Variants in DNAH11 observed in about 807,000 individuals in gnomAD.
The protein encoded by DNAH11 is axonemal beta dynein heavy chain 11.
DNAH11 carries 442 observed loss-of-function variants against 526.0 expected under a neutral mutation model. That is an observed-to-expected ratio of 0.84 (90% CI 0.78 to 0.91). The LOEUF is 0.91. DNAH11 is among the 40% of genes least tolerant of loss of function. The pLI is 0.00. For missense variants in DNAH11, 6,989 were observed against 5,448.7 expected (o/e 1.28, Z -8.90); for synonymous variants, 2,461 against 1,935.9 (o/e 1.27, Z -7.12).
At chr7:21,564,482 C>G (rs745438828) in intron 6 of DNAH11, 85 bp downstream of exon 6, 85 of 874,954 alleles carry the variant, frequency 9.7e-5, no homozygotes, top group Non-Finnish European at 1.4e-4. Context: ...ATCTAGTATA[C>G]AGTAAGAACA....
chr7:21,545,128 T>C lies in DNAH11; in HGVS notation c.474T>C (p.His158=), dbSNP rs1372280492. 4 of 1,610,642 alleles carry C rather than the reference T, an allele frequency of 2.5e-6. No individual in the cohort carries two copies. Among genetic ancestry groups the C allele is most frequent in the African/African-American group, 1.3e-5 (1 of 74,982 alleles). Reference sequence around the variant, plus strand: ...AGTTACCTGCGTTGTCTCTTGGACATGTATCTGCTTTCCTTGATGAGGTAC... The same window carrying C: ...AGTTACCTGCGTTGTCTCTTGGACACGTATCTGCTTTCCTTGATGAGGTAC... ...FGELPALSLG[H]VSAFLDEILV... The change falls in exon 2 of 82, where the codon CAT becomes CAC. Residue 158 remains histidine, a synonymous_variant. Coordinates refer to ENST00000409508, the MANE Select transcript of DNAH11 (RefSeq NM_001277115.2).
At chr7:21,832,852 T>G (rs1781843588) in intron 65 of DNAH11, among the ~76,000 whole-genome samples, 1 of 152,152 alleles carries the variant, frequency 6.6e-6, no homozygotes, top group Non-Finnish European at 1.5e-5. Context: ...CCTAAAATAT[T>G]TACTCTCTGA....
At chr7:21,566,195 G>A (rs563924347) in intron 6 of DNAH11, among the ~76,000 whole-genome samples, 3 of 152,234 alleles carry the variant, frequency 2.0e-5, no homozygotes, top group African/African-American at 4.8e-5. Context: ...CTAGTTACCC[G>A]TAAGCCTGTA....
chr7:21,888,998 G>A (rs1325914645), intron 76 of DNAH11, among the ~76,000 whole-genome samples: 9 of 137,554 alleles, frequency 6.5e-5, no homozygotes, highest in Non-Finnish European at 1.3e-4. Context: ...TATTACCCAC[G>A]CCCCACCCAC....
chr7:21,659,179 T>G (rs1782142801), intron 30 of DNAH11, 148 bp downstream of exon 30: 1 of 703,724 alleles, frequency 1.4e-6, no homozygotes, highest in Admixed American at 3.0e-5. Context: ...TGTTAAATCA[T>G]TTTTTACCTT....
chr7:21,738,667 T>C, intron 46 of DNAH11, 34 bp from the exon 47 acceptor site: 3 of 1,526,956 alleles, frequency 2.0e-6, no homozygotes, highest in African/African-American at 1.4e-5. Context: ...TTACATTCTG[T>C]TGATGGGTGG....
In DNAH11 at chr7:21,637,686, A is replaced by G. The variant is rs1786932734; in HGVS notation, c.4801A>G (p.Lys1601Glu). Reference sequence around the variant, plus strand: ...CAGACCTAATCTCTATGAAAAACTTAAAGATTTACAGTCCAGGTAAGAATA... The same window carrying G: ...CAGACCTAATCTCTATGAAAAACTTGAAGATTTACAGTCCAGGTAAGAATA... Reference protein sequence around the residue: ...TCRPNLYEKLKDLQSRLSLCE... With the variant: ...TCRPNLYEKLEDLQSRLSLCE... Residue 1601 changes from lysine (K) to glutamate (E), a missense_variant, in exon 27 of 82, where the codon AAA becomes GAA. By Grantham distance (56) the Lys-to-Glu change is moderately conservative. Transcript: ENST00000409508. 6.4e-7 allele frequency: 1 copy of G among 1,564,424 alleles called. No homozygotes were observed. Among genetic ancestry groups the G allele is most frequent in the Non-Finnish European group, 8.7e-7 (1 of 1,154,202 alleles).
chr7:21,601,241 G>C, intron 17 of DNAH11, 62 bp downstream of exon 17: 1 of 1,529,152 alleles, frequency 6.5e-7, no homozygotes, highest in African/African-American at 1.4e-5. Flanking sequence ...AAACTGAGAT[G>C]TTACTTTTAA....
At chr7:21,707,641 CT>C in intron 39 of DNAH11, 57 bp from the exon 40 acceptor site, 1 of 1,566,936 alleles carries the variant, frequency 6.4e-7, no homozygotes, top group Non-Finnish European at 8.6e-7. Flanking sequence ...AAATCTTTTA[CT>C]TTCCATTTGG....
At chr7:21,656,224 A>T (rs976617261) in intron 29 of DNAH11, among the ~76,000 whole-genome samples, 2 of 152,146 alleles carry the variant, frequency 1.3e-5, no homozygotes, top group African/African-American at 2.4e-5. Context: ...ATTGAGCTAG[A>T]CAGAAGCAAC....
chr7:21,709,126 C>T (rs1049399791), intron 40 of DNAH11, among the ~76,000 whole-genome samples: 1 of 152,196 alleles, frequency 6.6e-6, no homozygotes, highest in East Asian at 1.9e-4. Flanking sequence ...CACATTCACT[C>T]ATATGTTCAC....
At chr7:21,870,160 G>A (rs980582445) in intron 73 of DNAH11, among the ~76,000 whole-genome samples, 23 of 152,330 alleles carry the variant, frequency 1.5e-4, no homozygotes, top group African/African-American at 5.5e-4. Flanking sequence ...CCACAGGGCT[G>A]ATTGGATGGC....
intron 73 of DNAH11, among the ~76,000 whole-genome samples, chr7:21,871,748 C>A (rs1783501252): frequency 6.6e-6 from 1 of 152,078 alleles, no homozygotes; most frequent in Non-Finnish European, 1.5e-5. Context: ...GGCCAACTTT[C>A]CGTGTCTTCA....
In DNAH11 at chr7:21,741,863, AG is replaced by A. The variant is rs1785913785; in HGVS notation, c.7915-62del. On this transcript the variant is annotated intron_variant, in intron 48 of 81. Coordinates refer to ENST00000409508, the MANE Select transcript of DNAH11 (RefSeq NM_001277115.2). The stretch of plus-strand genomic sequence containing the variant: ...ATACAGGGAGGAGTGAAAAAAAATC[AG>A]GTCTTTGCAATTTTCTGGTACAATT... 3.2e-6 allele frequency: 5 copies of A among 1,563,630 alleles called. No individual in the cohort carries two copies. In the Admixed American group the frequency reaches 7.2e-5, roughly 23 times the overall value.
chr7:21,779,166 G>A, intron 57 of DNAH11, 62 bp downstream of exon 57: 27 of 1,535,926 alleles, frequency 1.8e-5, no homozygotes, highest in Non-Finnish European at 2.4e-5. Context: ...AACCTTGGTA[G>A]GTGAACAATT....
chr7:21,882,582 G>A (rs1211821572), intron 75 of DNAH11, among the ~76,000 whole-genome samples: 1 of 152,174 alleles, frequency 6.6e-6, no homozygotes, highest in Non-Finnish European at 1.5e-5. Flanking sequence ...GATCGCTTGA[G>A]TCCAGAAGTT....
chr7:21,782,154 G>A (rs1273457493), intron 57 of DNAH11, among the ~76,000 whole-genome samples: 6 of 152,164 alleles, frequency 3.9e-5, no homozygotes, highest in African/African-American at 4.8e-5. Context: ...TTCTCTCCCT[G>A]TGATCACCAC....
intron 61 of DNAH11, among the ~76,000 whole-genome samples, chr7:21,794,188 C>A (rs1788605365): frequency 6.6e-6 from 1 of 152,074 alleles, no homozygotes; most frequent in African/African-American, 2.4e-5. Context: ...TTTTCTTAAA[C>A]TACTATTTTG....
At chr7:21,731,806 C>T (rs543666402) in intron 45 of DNAH11, among the ~76,000 whole-genome samples, 39 of 152,232 alleles carry the variant, frequency 2.6e-4, no homozygotes, top group Admixed American at 3.3e-4. Context: ...CATCTTCATC[C>T]GGCTGTCTTG....
Sources: gnomAD v4.1 joint callset for allele counts (sites outside exome capture counted in the v4.1 genomes callset) on GRCh38, gnomAD v4.1.1 for gene constraint, MANE v1.5 for transcripts, NCBI Gene and HGNC (gene_info 2026-07-23, HGNC 2026-07-21) for gene names.